The following LILRA4 variants were observed in gnomAD, a reference collection of about 807,000 sequenced individuals.
LILRA4 encodes the protein leukocyte immunoglobulin-like receptor subfamily A member 4.
A neutral mutation model predicts 49.5 loss-of-function variants in LILRA4; 51 were observed. The observed-to-expected ratio is 1.03, with a 90% confidence interval of 0.82 to 1.30. The LOEUF (loss-of-function observed/expected upper bound fraction) is 1.30. LILRA4 is among the 50% of genes most tolerant of loss of function. The pLI is 0.00. For missense variants in LILRA4, 624 were observed against 625.6 expected, an observed-to-expected ratio of 1.00 and a Z score of 0.03; for synonymous variants, 272 against 265.6, an observed-to-expected ratio of 1.02 and a Z score of -0.23.
intron 5 of LILRA4, 56 bp downstream of exon 5, chr19:54,337,344 C>A: frequency 1.3e-6 from 2 of 1,593,338 alleles, no homozygotes; most frequent in Non-Finnish European, 8.6e-7. Context: ...TGGGCTCCCC[C>A]AGCAGGGCCT....
In LILRA4 at chr19:54,334,047, C is replaced by T. The variant is rs2081299000; in HGVS notation, c.1256-82G>A. The T allele has an allele frequency of 4.4e-6, 5 of 1,140,976 alleles. No individual in the cohort carries two copies. The East Asian group carries it at 1.2e-4, about 27-fold the overall frequency. The allele number at this position is 1,140,976 out of a possible 1,614,324, so 70.7% of individuals were successfully genotyped here. ...AATGCATTCTTATATTCCTCCACCTCTCATGGTGTGACTTTATGTAGATCC... is the reference window on the plus strand; with the variant it reads ...AATGCATTCTTATATTCCTCCACCTTTCATGGTGTGACTTTATGTAGATCC... On this transcript the variant is annotated intron_variant, in intron 6 of 7. Transcript: ENST00000291759.
rs761013648 is a variant in LILRA4, at chr19:54,333,785, A to G, written c.1307-20T>C. On this transcript the variant is annotated intron_variant, in intron 7 of 7. Coordinates refer to ENST00000291759, the MANE Select transcript of LILRA4 (RefSeq NM_012276.5). ...GTGGGGCTAGGGATGGTGGACAAAG[A>G]GGTCACAGAGGTCAGGGCAGATCAC... 1.2e-6 allele frequency: 2 copies of G among 1,613,980 alleles called. No homozygotes were observed. Among genetic ancestry groups the G allele is most frequent in the Middle Eastern group, 3.3e-4 (2 of 6,060 alleles).
rs1426512514 is a variant in LILRA4, at chr19:54,338,907, A to T, written c.35-6T>A. The T allele has an allele frequency of 1.9e-6, 3 of 1,614,038 alleles. No homozygotes were observed. The highest frequency in any genetic ancestry group is 2.5e-6 in the Non-Finnish European group (3 of 1,180,016). ...CCTGGGGCCCAGGCTCAGCCCTGGA[A>T]GAGAGTTCCCTGTGAGAGATTTGCC... On this transcript the variant is annotated splice_region_variant and splice_polypyrimidine_tract_variant and intron_variant, in intron 1 of 7. Transcript: ENST00000291759.
At position 54,333,782 on chromosome 19, in the gene LILRA4, A is replaced by G. The variant is rs1379774035; in HGVS notation, c.1307-17T>C. ...GGTGTGGGGCTAGGGATGGTGGACA[A>G]AGAGGTCACAGAGGTCAGGGCAGAT... On this transcript the variant is annotated splice_polypyrimidine_tract_variant and intron_variant, in intron 7 of 7. Coordinates refer to ENST00000291759, the MANE Select transcript of LILRA4 (RefSeq NM_012276.5). 5.0e-6 allele frequency: 8 copies of G among 1,614,062 alleles called. No individual in the cohort carries two copies. The South Asian group carries it at 6.6e-5, about 13-fold the overall frequency.
chr19:54,338,126 A>C lies in LILRA4; in HGVS notation c.465T>G (p.Ile155Met). The change falls in exon 4 of 8, where the codon ATT (isoleucine) becomes ATG (methionine). Residue 155 changes from isoleucine (I) to methionine (M), a missense_variant. By Grantham distance (10) the Ile-to-Met change is conservative. Transcript: ENST00000291759. Reference protein sequence around the residue: ...SRLGLGRFTLIEEGDHRLSWT... With the variant: ...SRLGLGRFTLMEEGDHRLSWT... ...AGGAGAGCCTGTGGTCTCCTTCCTCAATCAGAGTGAACCTGCCCAGTCCCA... is the reference window on the plus strand; with the variant it reads ...AGGAGAGCCTGTGGTCTCCTTCCTCCATCAGAGTGAACCTGCCCAGTCCCA... 1 of 1,614,004 alleles carries C rather than the reference A, an allele frequency of 6.2e-7. No homozygotes were observed. Among genetic ancestry groups the C allele is most frequent in the Non-Finnish European group, 8.5e-7 (1 of 1,179,942 alleles).
At position 54,333,903 on chromosome 19, in the gene LILRA4, C is replaced by G; in HGVS notation, c.1306+12G>C. The G allele has an allele frequency of 6.2e-7, 1 of 1,613,712 alleles. No individual in the cohort carries two copies. The highest frequency in any genetic ancestry group is 8.5e-7 in the Non-Finnish European group (1 of 1,179,594). On this transcript the variant is annotated intron_variant, in intron 7 of 7. Coordinates refer to ENST00000291759, the MANE Select transcript of LILRA4 (RefSeq NM_012276.5). The stretch of plus-strand genomic sequence containing the variant: ...TGCCCAGCCCCATAACTGGGAGAAT[C>G]TCCTCACTCACCAGTCTTGGAATCT...
chr19:54,335,298 T>G (rs1205481443), intron 6 of LILRA4: 2 of 152,096 alleles, frequency 1.3e-5, no homozygotes, highest in African/African-American at 4.8e-5. Flanking sequence ...ATCTTGTTAT[T>G]TAAAAGTGGG....
At chr19:54,336,715 C>T (rs548251274) in intron 6 of LILRA4, 126 bp downstream of exon 6, 19 of 1,417,254 alleles carry the variant, frequency 1.3e-5, no homozygotes, top group Middle Eastern at 2.6e-4. Context: ...TCACAAAGGC[C>T]GGGGCTGATG....
intron 6 of LILRA4, chr19:54,336,543 A>G: frequency 2.0e-6 from 1 of 502,522 alleles, no homozygotes; most frequent in Admixed American, 3.6e-5. Context: ...CTATTTCCAC[A>G]CTCCCATAGG....
chr19:54,337,124 G>A lies in LILRA4; in HGVS notation c.972C>T (p.Pro324=). 1 of 1,613,544 alleles carries A rather than the reference G, an allele frequency of 6.2e-7. No homozygotes were observed. Among genetic ancestry groups the A allele is most frequent in the Non-Finnish European group, 8.5e-7 (1 of 1,179,698 alleles). The change falls in exon 6 of 8, where the codon CCC becomes CCT. Residue 324 remains proline, a synonymous_variant. Coordinates refer to ENST00000291759, the MANE Select transcript of LILRA4 (RefSeq NM_012276.5). ...ILIAGQISDR[P]SLSVQPGPTV... ...TGGGGCCCGGCTGCACTGAGAGGGA[G>A]GGTCTGTCAGAGATCTGTCCTGGAG...
At chr19:54,337,722 C>G in intron 4 of LILRA4, 26 bp from the exon 5 acceptor site, 2 of 1,602,908 alleles carry the variant, frequency 1.2e-6, no homozygotes, top group Non-Finnish European at 1.7e-6. Flanking sequence ...AGTTGGGACT[C>G]GGAGCGGCTG....
chr19:54,333,285 T>C lies in LILRA4; in HGVS notation c.*287A>G. On this transcript the variant is annotated 3_prime_UTR_variant, in exon 8 of 8. Coordinates refer to ENST00000291759, the MANE Select transcript of LILRA4 (RefSeq NM_012276.5). ...CATTAGAAAATGCAGTAGTTAGAAA[T>C]AAAGAAAGGTGTATTACCTGAAAGT... The C allele has an allele frequency of 2.1e-6, 1 of 479,026 alleles. No individual in the cohort carries two copies. The highest frequency in any genetic ancestry group is 3.7e-6 in the Non-Finnish European group (1 of 273,028). 29.7% of individuals were successfully genotyped at this position (479,026 alleles called of 1,614,324 possible).
intron 6 of LILRA4, chr19:54,336,503 G>A (rs1175015263): frequency 4.6e-6 from 2 of 431,656 alleles, no homozygotes; most frequent in Non-Finnish European, 8.3e-6. Context: ...GAGACTTCAG[G>A]GGTGGGAGCC....
chr19:54,337,744 GC>G (rs2081346544), intron 4 of LILRA4, 48 bp from the exon 5 acceptor site: 1 of 1,572,760 alleles, frequency 6.4e-7, no homozygotes, highest in Non-Finnish European at 8.6e-7. Context: ...TTCCTCCTGC[GC>G]CCCTTCCTTC....
intron 6 of LILRA4, chr19:54,336,591 C>T: frequency 1.6e-6 from 1 of 641,228 alleles, no homozygotes; most frequent in Non-Finnish European, 2.6e-6. Context: ...CCATGTATTT[C>T]CACCCTTCCA....
Position 54,333,523 on chromosome 19 carries a change from A to G in LILRA4, c.*49T>C, listed in dbSNP as rs747958437. On this transcript the variant is annotated 3_prime_UTR_variant, in exon 8 of 8. Transcript: ENST00000291759. ...GCTTCTTCCCCTTGATATTCTCAGC[A>G]GACACTTCCCCAACTGCTGCCCCAG... 6 of 1,574,348 alleles carry G rather than the reference A, an allele frequency of 3.8e-6. No homozygotes were observed. The African/African-American group carries it at 4.1e-5, about 11-fold the overall frequency.
At position 54,333,369 on chromosome 19, in the gene LILRA4, T is replaced by TA. The variant is rs2081290449; in HGVS notation, c.*202dup. Reference sequence around the variant, plus strand: ...CAAACCCACCATAGGGGTGAAGCCTTACATCATAGGGAAGAAAAACGAAGG... The same window carrying TA: ...CAAACCCACCATAGGGGTGAAGCCTTAACATCATAGGGAAGAAAAACGAAGG... On this transcript the variant is annotated 3_prime_UTR_variant, in exon 8 of 8. Coordinates refer to ENST00000291759, the MANE Select transcript of LILRA4 (RefSeq NM_012276.5). 1.8e-5 allele frequency: 11 copies of TA among 614,620 alleles called. No individual in the cohort carries two copies. In the South Asian group the frequency reaches 2.3e-4, roughly 13 times the overall value. The allele number at this position is 614,620 out of a possible 1,614,324, so 38.1% of individuals were successfully genotyped here.
In LILRA4 at chr19:54,337,139, C is replaced by T. The variant is rs1025892073; in HGVS notation, c.957G>A (p.Gln319=). 7 of 1,612,304 alleles carry T rather than the reference C, an allele frequency of 4.3e-6. No homozygotes were observed. Among genetic ancestry groups the T allele is most frequent in the Admixed American group, 1.7e-5 (1 of 59,934 alleles). Residue 319 remains glutamine (Q), a synonymous_variant, in exon 6 of 8, where the codon CAG becomes CAA. Transcript: ENST00000291759. ...SDPLDILIAG[Q]ISDRPSLSVQ... ...CTGAGAGGGAGGGTCTGTCAGAGATCTGTCCTGGAGAAAAGAAGGACGGGT... is the reference window on the plus strand; with the variant it reads ...CTGAGAGGGAGGGTCTGTCAGAGATTTGTCCTGGAGAAAAGAAGGACGGGT...
chr19:54,339,061 A>G lies in LILRA4; in HGVS notation c.33T>C (p.Phe11=), dbSNP rs748234797. Residue 11 remains phenylalanine (F), a splice_region_variant and synonymous_variant, in exon 1 of 8, where the codon TTT becomes TTC. Transcript: ENST00000291759. ...CTCCTCCCCCTCTTAAGATCTCACC[A>G]AAGAAGAGCAGGCTTGTGAGAATGA... MTLILTSLLF[F]GLSLGPRTRV... is the part of the protein sequence containing the mutation. 6 of 1,614,040 alleles carry G rather than the reference A, an allele frequency of 3.7e-6. No homozygotes were observed. The highest frequency in any genetic ancestry group is 5.1e-6 in the Non-Finnish European group (6 of 1,180,028).
Sources: gnomAD v4.1 joint callset for allele counts on GRCh38, gnomAD v4.1.1 for gene constraint, MANE v1.5 for transcripts, NCBI Gene and HGNC (gene_info 2026-07-23, HGNC 2026-07-21) for gene names.